Variants in SYT14 observed in about 807,000 individuals in gnomAD.
SYT14 encodes synaptotagmin-14.
A neutral mutation model predicts 74.2 loss-of-function variants in SYT14; 32 were observed. The observed-to-expected ratio is 0.43, with a 90% CI of 0.33 to 0.58. SYT14 has a LOEUF of 0.58. Ranked by LOEUF, SYT14 falls within the 20% of genes least tolerant of loss-of-function variation. The pLI, the probability that SYT14 is intolerant of heterozygous loss-of-function variation, is 0.05. For synonymous variants in SYT14, 298 were observed against 337.7 expected (o/e 0.88, Z 1.29); for missense variants, 791 against 981.8 (o/e 0.81, Z 2.60).
chr1:210,144,196 A>G lies in SYT14; in HGVS notation c.2035-11525A>G, dbSNP rs533625820. Among the ~76,000 whole-genome samples the G allele has an allele frequency of 8.3e-4, 126 of 152,314 alleles. No homozygotes were observed. In the Middle Eastern group the frequency reaches 0.01, roughly 12 times the overall value. ...TTTTAGAGAAAACTCTGATTCATATAGATAAGGAGTTACAAATGATAACTT... is the reference window on the plus strand; with the variant it reads ...TTTTAGAGAAAACTCTGATTCATATGGATAAGGAGTTACAAATGATAACTT... On this transcript the variant is annotated intron_variant, in intron 7 of 9. Coordinates refer to ENST00000637265, the Ensembl canonical transcript of SYT14.
At chr1:210,105,782 G>A (rs2102562200) in intron 7 of SYT14, among the ~76,000 whole-genome samples, 1 of 152,282 alleles carries the variant, frequency 6.6e-6, no homozygotes, top group East Asian at 1.9e-4. Flanking sequence ...TCCTCTTGCT[G>A]CCGTCCTCAC....
intron 1 of SYT14, among the ~76,000 whole-genome samples, chr1:209,941,671 C>T (rs1465318780): frequency 2.0e-5 from 3 of 152,174 alleles, no homozygotes; most frequent in Admixed American, 6.5e-5. Flanking sequence ...ACGCATTGAA[C>T]AATTTAGTAA....
In SYT14 at chr1:209,981,193, G is replaced by A. The variant is rs141087186; in HGVS notation, c.-486+28437G>A. 1.1e-4 allele frequency among the ~76,000 whole-genome samples: 17 copies of A among 152,080 alleles called. No homozygotes were observed. The East Asian group carries it at 3.3e-3, about 29-fold the overall frequency. ...AGCTTTTTGCTTTGTAGTTTTTATT[G>A]TGTGGAAGCTGTATAGGGTCTATGG... On this transcript the variant is annotated intron_variant, in intron 2 of 9. Transcript: ENST00000637265.
chr1:210,146,837 G>A (rs945491038), intron 7 of SYT14, among the ~76,000 whole-genome samples: 1 of 150,826 alleles, frequency 6.6e-6, no homozygotes, highest in African/African-American at 2.4e-5. Context: ...CATACTATAT[G>A]TATGTATGTA....
chr1:210,063,493 A>G (rs865842589), intron 5 of SYT14, among the ~76,000 whole-genome samples: 1 of 151,636 alleles, frequency 6.6e-6, no homozygotes. Context: ...TTATTCAATA[A>G]TTTTTTCAGC....
chr1:210,035,577 G>A (rs1278991880), intron 5 of SYT14, among the ~76,000 whole-genome samples: 2 of 151,874 alleles, frequency 1.3e-5, no homozygotes. Context: ...AATCCATCTT[G>A]AGATAATTTT....
intron 4 of SYT14, among the ~76,000 whole-genome samples, chr1:210,020,217 T>C (rs2102948808): frequency 6.6e-6 from 1 of 152,312 alleles, no homozygotes; most frequent in Non-Finnish European, 1.5e-5. Flanking sequence ...TAAATTCACA[T>C]CCTCATTTTT....
intron 1 of SYT14, among the ~76,000 whole-genome samples, chr1:209,950,872 A>T (rs1016429639): frequency 2.6e-5 from 4 of 152,210 alleles, no homozygotes; most frequent in African/African-American, 9.7e-5. Context: ...AATTCACAAC[A>T]TAATTATAAG....
At chr1:209,975,339 G>C (rs1206318432) in intron 2 of SYT14, among the ~76,000 whole-genome samples, 1 of 152,130 alleles carries the variant, frequency 6.6e-6, no homozygotes, top group African/African-American at 2.4e-5. Flanking sequence ...TACTGGCTGT[G>C]GGTTTATCAT....
At chr1:209,950,856 A>T (rs780385050) in intron 1 of SYT14, among the ~76,000 whole-genome samples, 81 of 152,304 alleles carry the variant, frequency 5.3e-4, no homozygotes, top group Non-Finnish European at 3.5e-4. Flanking sequence ...TGGAAAGTTT[A>T]AAAGTAATTC....
chr1:209,972,390 C>G (rs1023829586), intron 2 of SYT14, among the ~76,000 whole-genome samples: 1 of 151,782 alleles, frequency 6.6e-6, no homozygotes, highest in Non-Finnish European at 1.5e-5. Flanking sequence ...TTCTTTTTTT[C>G]TGCTGCCTTT....
intron 7 of SYT14, among the ~76,000 whole-genome samples, chr1:210,110,487 A>G (rs2082241348): frequency 6.6e-6 from 1 of 152,142 alleles, no homozygotes; most frequent in Non-Finnish European, 1.5e-5. Context: ...GTCACTTGGG[A>G]TATGAGGGAA....
intron 2 of SYT14, among the ~76,000 whole-genome samples, chr1:209,981,053 G>A (rs2079475094): frequency 6.6e-6 from 1 of 152,134 alleles, no homozygotes; most frequent in Non-Finnish European, 1.5e-5. Context: ...GAATTTTCAT[G>A]ACATTGATTC....
intron 7 of SYT14, among the ~76,000 whole-genome samples, chr1:210,115,876 A>T (rs980673037): frequency 1.3e-5 from 2 of 151,426 alleles, no homozygotes; most frequent in East Asian, 3.9e-4. Flanking sequence ...AGAGACCACC[A>T]GGCTTTGTGT....
At chr1:210,076,670 A>G (rs551700204) in intron 5 of SYT14, among the ~76,000 whole-genome samples, 1 of 151,572 alleles carries the variant, frequency 6.6e-6, no homozygotes, top group Admixed American at 6.6e-5. Context: ...GCCTCAGCAA[A>G]CTTAGAATCA....
intron 1 of SYT14, among the ~76,000 whole-genome samples, chr1:209,951,066 A>G (rs1572056781): frequency 6.6e-6 from 1 of 152,234 alleles, no homozygotes; most frequent in Non-Finnish European, 1.5e-5. Flanking sequence ...ATATGGATAC[A>G]TTGTGAAATG....
chr1:210,109,392 A>G (rs1224705351), intron 7 of SYT14, among the ~76,000 whole-genome samples: 2 of 152,090 alleles, frequency 1.3e-5, no homozygotes, highest in East Asian at 3.9e-4. Flanking sequence ...ATCCTGGCCA[A>G]CATGGTGAAA....
intron 7 of SYT14, 35 bp from the exon 7 acceptor site, chr1:210,155,686 G>A (rs1177820020): frequency 1.2e-6 from 2 of 1,608,412 alleles, no homozygotes; most frequent in Non-Finnish European, 1.7e-6. Context: ...TATCTCTCTT[G>A]CAAAATACTA....
intron 2 of SYT14, among the ~76,000 whole-genome samples, chr1:210,003,062 T>G (rs1050215019): frequency 6.6e-6 from 1 of 152,212 alleles, no homozygotes; most frequent in Non-Finnish European, 1.5e-5. Flanking sequence ...CAAAATTGAT[T>G]GGCTAAAGCA....
Sources: allele counts gnomAD v4.1 joint callset (sites outside exome capture counted in the v4.1 genomes callset), GRCh38; gene constraint gnomAD v4.1.1; transcripts MANE v1.5; gene names NCBI Gene and HGNC (gene_info 2026-07-23, HGNC 2026-07-21).